TRERF1: variants seen among roughly 807,000 people sequenced by gnomAD.
The protein encoded by TRERF1 is transcriptional-regulating factor 1.
Under a neutral mutation model 122.9 loss-of-function variants are expected in TRERF1, and 27 were observed. The ratio of observed to expected loss-of-function variants is 0.22; its 90% confidence interval spans 0.16 to 0.30. The LOEUF is 0.30. Ranked by LOEUF, TRERF1 falls within the 10% of genes least tolerant of loss-of-function variation. The pLI, the probability that TRERF1 is intolerant of heterozygous loss-of-function variation, is 1.00. For missense variants in TRERF1, 1,248 were observed against 1,560.3 expected (o/e 0.80, Z 3.37); for synonymous variants, 636 against 641.7 (o/e 0.99, Z 0.13).
intron 2 of TRERF1, among the ~76,000 whole-genome samples, chr6:42,364,256 C>T (rs543857105): frequency 4.7e-4 from 72 of 152,220 alleles, no homozygotes; most frequent in Non-Finnish European, 9.1e-4. Context: ...ACTCTTCCCC[C>T]AGGCATCTGT....
In TRERF1 at chr6:42,293,866, T is replaced by A. The variant is rs1048682184; in HGVS notation, c.-259+6772A>T. Among the ~76,000 whole-genome samples the A allele has an allele frequency of 1.1e-4, 17 of 151,914 alleles. No individual in the cohort carries two copies. The Middle Eastern group carries it at 0.01, about 92-fold the overall frequency. On this transcript the variant is annotated intron_variant, in intron 4 of 17. Transcript: ENST00000372922. ...GCAAATGACTTCCCCTCCTTGCACC[T>A]CAGACTCACCTTCTGCAGAATAAAG...
chr6:42,307,519 G>A (rs1787482788), intron 3 of TRERF1, among the ~76,000 whole-genome samples: 1 of 152,008 alleles, frequency 6.6e-6, no homozygotes, highest in Non-Finnish European at 1.5e-5. Flanking sequence ...TATTGGAACG[G>A]GCCCTCCAGG....
intron 2 of TRERF1, among the ~76,000 whole-genome samples, chr6:42,383,742 C>T (rs951730061): frequency 4.6e-5 from 7 of 152,036 alleles, no homozygotes; most frequent in Non-Finnish European, 8.8e-5. Context: ...ACACAAAATA[C>T]AGAAATGGGT....
Position 42,262,524 on chromosome 6 carries a change from A to C in TRERF1, c.1884+796T>G, listed in dbSNP as rs1203775506. ...GAGAGAGAGAGAGAGAGAGAGAGAG[A>C]GAGAGAGAGAGAGAGAGAGAGAGAG... On this transcript the variant is annotated intron_variant, in intron 8 of 17. Transcript: ENST00000372922. 1.8e-3 allele frequency among the ~76,000 whole-genome samples: 86 copies of C among 47,582 alleles called. 8 individuals carry two copies. Among genetic ancestry groups the C allele is most frequent in the South Asian group, 0.013 (11 of 846 alleles). The allele number at this position is 47,582 out of a possible 152,430, so 31.2% of individuals were successfully genotyped here. A position where few individuals can be genotyped will look rare whatever the true frequency, so the allele number is the denominator to read the frequency against.
intron 3 of TRERF1, among the ~76,000 whole-genome samples, chr6:42,308,035 C>T (rs942787175): frequency 1.3e-5 from 2 of 152,210 alleles, no homozygotes; most frequent in Admixed American, 6.5e-5. Flanking sequence ...AATGGTGTAG[C>T]CACTGTGGAG....
chr6:42,409,469 G>C (rs987064560), intron 2 of TRERF1, among the ~76,000 whole-genome samples: 2 of 151,950 alleles, frequency 1.3e-5, no homozygotes, highest in Admixed American at 1.3e-4. Flanking sequence ...AATTTTTCCT[G>C]ATTATTATTA....
rs530111985 is a variant in TRERF1, at chr6:42,336,304, T to C, written c.-371+26693A>G. On this transcript the variant is annotated intron_variant, in intron 3 of 17. Transcript: ENST00000372922. ...AGCACCTGTTCTTCTTTCTTGTCCTTTCTGCACTGCCCCACTAACCTGCCA... is the reference window on the plus strand; with the variant it reads ...AGCACCTGTTCTTCTTTCTTGTCCTCTCTGCACTGCCCCACTAACCTGCCA... Among the ~76,000 whole-genome samples, 39 of 152,270 alleles carry C rather than the reference T, an allele frequency of 2.6e-4. 1 individual carries two copies. In the South Asian group the frequency reaches 7.7e-3, roughly 30 times the overall value.
At chr6:42,422,064 G>A (rs1782851661) in intron 2 of TRERF1, among the ~76,000 whole-genome samples, 1 of 151,754 alleles carries the variant, frequency 6.6e-6, no homozygotes, top group South Asian at 2.1e-4. Context: ...CCAGCTATGT[G>A]GGAGGCTGAG....
chr6:42,397,895 T>C (rs1778859310), intron 2 of TRERF1, among the ~76,000 whole-genome samples: 1 of 152,132 alleles, frequency 6.6e-6, no homozygotes, highest in Non-Finnish European at 1.5e-5. Flanking sequence ...CCAGAAAGCA[T>C]GGCCAAAATA....
chr6:42,448,296 C>A (rs1251321681), intron 2 of TRERF1, among the ~76,000 whole-genome samples: 2 of 152,200 alleles, frequency 1.3e-5, no homozygotes, highest in African/African-American at 4.8e-5. Flanking sequence ...AGTTAACCAA[C>A]TGGCTGGAGA....
Position 42,268,064 on chromosome 6 carries a change from G to A in TRERF1, c.1437+90C>T. 3 of 1,334,706 alleles carry A rather than the reference G, an allele frequency of 2.2e-6. No homozygotes were observed. The highest frequency in any genetic ancestry group is 2.9e-6 in the Non-Finnish European group (3 of 1,029,718). The allele number at this position is 1,334,706 out of a possible 1,614,324, so 82.7% of individuals were successfully genotyped here. A position where few individuals can be genotyped will look rare whatever the true frequency, so the allele number is the denominator to read the frequency against. On this transcript the variant is annotated intron_variant, in intron 5 of 17. Coordinates refer to ENST00000372922, the Ensembl canonical transcript of TRERF1. This position sits in a 1 kb window ranked among gnomAD's most constrained non-coding sequence, Gnocchi z 4.4. The stretch of plus-strand genomic sequence containing the variant: ...AATTAGTAAAGAACAAAAGGGTTGA[G>A]GGGGCTTGGAGAGAGGATTGAGCAC...
chr6:42,332,339 G>A (rs1470487103), intron 3 of TRERF1, among the ~76,000 whole-genome samples: 5 of 152,208 alleles, frequency 3.3e-5, no homozygotes, highest in African/African-American at 7.2e-5. Flanking sequence ...CCAAGAACGC[G>A]GTGCCCACTC....
rs6906140 is a variant in TRERF1, at chr6:42,256,582, C to T, written c.2580+146G>A. Reference sequence around the variant, plus strand: ...GACTTTAACATCCTGACCTACCCACCGAGAGAAGGAATAGGGAGGCGTGCT... The same window carrying T: ...GACTTTAACATCCTGACCTACCCACTGAGAGAAGGAATAGGGAGGCGTGCT... On this transcript the variant is annotated intron_variant, in intron 12 of 17. Transcript: ENST00000372922. 3.0e-3 allele frequency: 1,888 copies of T among 635,800 alleles called. 19 individuals carry two copies. The highest frequency in any genetic ancestry group is 0.025 in the African/African-American group (1,343 of 54,544). The allele number at this position is 635,800 out of a possible 1,614,324, so 39.4% of individuals were successfully genotyped here.
At chr6:42,398,984 C>G (rs1333926079) in intron 2 of TRERF1, among the ~76,000 whole-genome samples, 1 of 152,192 alleles carries the variant, frequency 6.6e-6, no homozygotes, top group Admixed American at 6.5e-5. Context: ...GTACCTCAAT[C>G]AATTCCCATC....
At chr6:42,441,036 A>G (rs550357801) in intron 2 of TRERF1, among the ~76,000 whole-genome samples, 30 of 152,278 alleles carry the variant, frequency 2.0e-4, no homozygotes, top group African/African-American at 7.2e-4. Flanking sequence ...ATCACAGCAG[A>G]AGTAGACATA....
chr6:42,314,091 G>A (rs775435589), intron 3 of TRERF1, among the ~76,000 whole-genome samples: 3 of 152,008 alleles, frequency 2.0e-5, no homozygotes, highest in African/African-American at 7.3e-5. Flanking sequence ...CTGGAGAGGT[G>A]CCATAGTGGT....
chr6:42,406,434 G>C (rs1260637230), intron 2 of TRERF1, among the ~76,000 whole-genome samples: 1 of 152,314 alleles, frequency 6.6e-6, no homozygotes, highest in African/African-American at 2.4e-5. Flanking sequence ...ACCACAGGCA[G>C]AGCAGGCAGA....
intron 2 of TRERF1, among the ~76,000 whole-genome samples, chr6:42,441,258 C>T (rs2151773199): frequency 6.6e-6 from 1 of 152,170 alleles, no homozygotes; most frequent in Non-Finnish European, 1.5e-5. Context: ...ATTTTTTCTG[C>T]ACGCAGCATT....
intron 2 of TRERF1, among the ~76,000 whole-genome samples, chr6:42,432,445 T>C (rs534460631): frequency 1.3e-5 from 2 of 152,316 alleles, no homozygotes; most frequent in African/African-American, 4.8e-5. Context: ...GGCGGTATTA[T>C]TCATAAAAGC....
Sources: allele counts gnomAD v4.1 joint callset (sites outside exome capture counted in the v4.1 genomes callset), GRCh38; gene constraint gnomAD v4.1.1; non-coding constraint Gnocchi (gnomAD v3.1); transcripts MANE v1.5; gene names NCBI Gene and HGNC (gene_info 2026-07-23, HGNC 2026-07-21).